Variants in TEAD3 observed in about 807,000 individuals in gnomAD.
TEAD3 encodes the protein TEA domain transcription factor 3, also known as transcriptional enhancer factor TEF-5.
Under a neutral mutation model 55.6 loss-of-function variants are expected in TEAD3, and 15 were observed. The observed-to-expected ratio is 0.27, with a 90% CI of 0.18 to 0.42. TEAD3 has a LOEUF of 0.42. Ranked by LOEUF, TEAD3 falls within the 10% of genes least tolerant of loss-of-function variation. The probability of loss-of-function intolerance (pLI) is 1.00; values close to 1 mark genes in which losing one functional copy is unlikely to be tolerated. For missense variants in TEAD3, 407 were observed against 576.8 expected (o/e 0.71, Z 3.01); for synonymous variants, 210 against 232.2 (o/e 0.90, Z 0.87).
At chr6:35,480,588 C>T (rs1244042193) in intron 3 of TEAD3, among the ~76,000 whole-genome samples, 1 of 152,202 alleles carries the variant, frequency 6.6e-6, no homozygotes, top group South Asian at 2.1e-4. Context: ...CACAGCCTCC[C>T]GAGTAGCTAT....
In TEAD3 at chr6:35,486,612, C is replaced by T. The variant is rs771793992; in HGVS notation, c.51G>A (p.Glu17=). 1.9e-6 allele frequency: 3 copies of T among 1,613,130 alleles called. No homozygotes were observed. Among genetic ancestry groups the T allele is most frequent in the African/African-American group, 1.3e-5 (1 of 74,944 alleles). ...CCTTGTCCAGGCCCTCGGGCCCATCCTCCCGGGCCTCCCCGGGGCTGCTGC... is the reference window on the plus strand; with the variant it reads ...CCTTGTCCAGGCCCTCGGGCCCATCTTCCCGGGCCTCCCCGGGGCTGCTGC... The change falls in exon 2 of 13, where the codon GAG becomes GAA. Residue 17 remains glutamate (E), a synonymous_variant. Coordinates refer to ENST00000639578, the Ensembl canonical transcript of TEAD3. This position sits in a 1 kb window ranked among gnomAD's most constrained non-coding sequence, Gnocchi z 7.3.
chr6:35,484,651 G>A lies in TEAD3; in HGVS notation c.203-27C>T, dbSNP rs1439183004. ...TAGATTGGGGTGAGAGAGAAAATGAGGAGTGGGCAAAGGGTGGAGCCAGAG... is the reference window on the plus strand; with the variant it reads ...TAGATTGGGGTGAGAGAGAAAATGAAGAGTGGGCAAAGGGTGGAGCCAGAG... On this transcript the variant is annotated intron_variant, in intron 2 of 12. Coordinates refer to ENST00000639578, the Ensembl canonical transcript of TEAD3. This position sits in a 1 kb window ranked among gnomAD's most constrained non-coding sequence, Gnocchi z 5.8. The A allele has an allele frequency of 1.3e-6, 2 of 1,571,194 alleles. No homozygotes were observed. Among genetic ancestry groups the A allele is most frequent in the Non-Finnish European group, 1.7e-6 (2 of 1,157,132 alleles).
At position 35,475,773 on chromosome 6, in the gene TEAD3, A is replaced by G; in HGVS notation, c.901-67T>C. 1 of 1,522,694 alleles carries G rather than the reference A, an allele frequency of 6.6e-7. No individual in the cohort carries two copies. The highest frequency in any genetic ancestry group is 8.8e-7 in the Non-Finnish European group (1 of 1,136,090). 94.3% of individuals were successfully genotyped at this position (1,522,694 alleles called of 1,614,324 possible). On this transcript the variant is annotated intron_variant, in intron 10 of 12. Coordinates refer to ENST00000639578, the Ensembl canonical transcript of TEAD3. This position sits in a 1 kb window ranked among gnomAD's most constrained non-coding sequence, Gnocchi z 5.4. ...AGAAGTATTCCCGCCACACCACATC[A>G]GAGTCCTGCCCAAGGATCCATCTCT... is the stretch of plus-strand genomic sequence containing the variant.
chr6:35,480,118 G>C, exon 4 of TEAD3: 1 of 1,545,218 alleles, frequency 6.5e-7, no homozygotes, highest in South Asian at 1.2e-5. Flanking sequence ...CAAGTGGCTA[G>C]AGACCTGTAG....
rs1768303052 is a variant in TEAD3 at position 35,483,490 on chromosome 6, G to T, written c.267+1070C>A. On this transcript the variant is annotated intron_variant, in intron 3 of 12. Coordinates refer to ENST00000639578, the Ensembl canonical transcript of TEAD3. This position sits in a 1 kb window ranked among gnomAD's most constrained non-coding sequence, Gnocchi z 4.5. ...CACTGCCACCTTCCCTGGATCAGAA[G>T]CCACTAACTGTCTCTTACATCATCA... Among the ~76,000 whole-genome samples the T allele has an allele frequency of 1.3e-5, 2 of 152,168 alleles. No homozygotes were observed. Among genetic ancestry groups the T allele is most frequent in the Non-Finnish European group, 2.9e-5 (2 of 68,014 alleles).
chr6:35,492,698 C>A (rs1189569535), intron 1 of TEAD3, among the ~76,000 whole-genome samples: 1 of 151,036 alleles, frequency 6.6e-6, no homozygotes, highest in African/African-American at 2.4e-5. Context: ...GGGGCTTTCT[C>A]AGGGAGCAGA....
rs776169270 is a variant in TEAD3, at chr6:35,477,295, C to T, written c.592+16G>A. On this transcript the variant is annotated intron_variant, in intron 8 of 12. Coordinates refer to ENST00000639578, the Ensembl canonical transcript of TEAD3. ...GTGCAGGTGCCAAGGGAGAGCACCT[C>T]GTGTGGGGAACTTACTGCTGAGCGT... 12 of 1,609,562 alleles carry T rather than the reference C, an allele frequency of 7.5e-6. No individual in the cohort carries two copies. The highest frequency in any genetic ancestry group is 3.3e-5 in the South Asian group (3 of 91,054).
rs1449972613 is a variant in TEAD3 at position 35,496,361 on chromosome 6, T to A, written c.-50+537A>T. Among the ~76,000 whole-genome samples, 1 of 151,842 alleles carries A rather than the reference T, an allele frequency of 6.6e-6. No homozygotes were observed. Among genetic ancestry groups the A allele is most frequent in the African/African-American group, 2.4e-5 (1 of 41,328 alleles). On this transcript the variant is annotated intron_variant, in intron 1 of 12. Coordinates refer to ENST00000639578, the Ensembl canonical transcript of TEAD3. The surrounding 1 kb of genome is among the most constrained non-coding windows in gnomAD (Gnocchi z 4.8). ...ACACGGCCGGGGCGCGCGGCTTTGGTCCCAGACACCCTCCACAACCCAGCG... is the reference window on the plus strand; with the variant it reads ...ACACGGCCGGGGCGCGCGGCTTTGGACCCAGACACCCTCCACAACCCAGCG...
intron 1 of TEAD3, among the ~76,000 whole-genome samples, chr6:35,495,317 C>T (rs1303444727): frequency 6.6e-6 from 1 of 152,206 alleles, no homozygotes; most frequent in Non-Finnish European, 1.5e-5. Flanking sequence ...CCATGTGATG[C>T]TTCTGTACAC....
exon 13 of TEAD3, chr6:35,474,945 A>T: frequency 2.9e-6 from 3 of 1,020,742 alleles, no homozygotes; most frequent in Admixed American, 2.9e-5. Context: ...GAGGCCTGGC[A>T]GGTAGATGAA....
chr6:35,483,886 C>T lies in TEAD3; in HGVS notation c.267+674G>A, dbSNP rs1768314456. On this transcript the variant is annotated intron_variant, in intron 3 of 12. Coordinates refer to ENST00000639578, the Ensembl canonical transcript of TEAD3. The surrounding 1 kb of genome is among the most constrained non-coding windows in gnomAD (Gnocchi z 4.5). Reference sequence around the variant, plus strand: ...ATCAGTTTCCTCATAGTAAAAAAGACAATTACTGTACCTATCTAGTAAGGT... The same window carrying T: ...ATCAGTTTCCTCATAGTAAAAAAGATAATTACTGTACCTATCTAGTAAGGT... Among the ~76,000 whole-genome samples the T allele has an allele frequency of 6.6e-6, 1 of 152,042 alleles. No individual in the cohort carries two copies. Among genetic ancestry groups the T allele is most frequent in the Non-Finnish European group, 1.5e-5 (1 of 68,026 alleles).
rs1384729900 is a variant in TEAD3, at chr6:35,484,634, G to T, written c.203-10C>A. The stretch of plus-strand genomic sequence containing the variant: ...ATCAACTCATTTCGGCCTAGATTGG[G>T]GTGAGAGAGAAAATGAGGAGTGGGC... On this transcript the variant is annotated splice_polypyrimidine_tract_variant and intron_variant, in intron 2 of 12. Coordinates refer to ENST00000639578, the Ensembl canonical transcript of TEAD3. The surrounding 1 kb of genome is among the most constrained non-coding windows in gnomAD (Gnocchi z 5.8). 3.1e-6 allele frequency: 5 copies of T among 1,588,454 alleles called. No individual in the cohort carries two copies. Among genetic ancestry groups the T allele is most frequent in the African/African-American group, 1.3e-5 (1 of 74,454 alleles).
chr6:35,495,905 CAGA>C (rs1768635119), intron 1 of TEAD3, among the ~76,000 whole-genome samples: 1 of 152,350 alleles, frequency 6.6e-6, no homozygotes, highest in South Asian at 2.1e-4. Context: ...AGGGAAGACA[CAGA>C]AGAAGACAGC....
At position 35,475,994 on chromosome 6, in the gene TEAD3, G is replaced by A. The variant is rs1339559719; in HGVS notation, c.825C>T (p.Phe275=). ...CCTTCAATCCTCCCTTTTTCTCGGG[G>A]AATTTGTCATAGATCTGGCGCACAT... Residue 275 remains phenylalanine (F), a synonymous_variant, in exon 10 of 13, where the codon TTC becomes TTT. Transcript: ENST00000639578. This position sits in a 1 kb window ranked among gnomAD's most constrained non-coding sequence, Gnocchi z 5.4. The A allele has an allele frequency of 2.6e-6, 4 of 1,565,448 alleles. No homozygotes were observed. Among genetic ancestry groups the A allele is most frequent in the Non-Finnish European group, 3.5e-6 (4 of 1,157,864 alleles).
At chr6:35,474,758 A>T, downstream of TEAD3, 1 of 380,502 alleles carries the variant, frequency 2.6e-6, no homozygotes, top group Non-Finnish European at 4.8e-6. Flanking sequence ...CCCTATCCCC[A>T]CCTCTCTGAG....
chr6:35,479,334 A>C lies in TEAD3; in HGVS notation c.331-18T>G. 1 of 1,613,922 alleles carries C rather than the reference A, an allele frequency of 6.2e-7. No homozygotes were observed. The highest frequency in any genetic ancestry group is 8.5e-7 in the Non-Finnish European group (1 of 1,179,852). On this transcript the variant is annotated intron_variant, in intron 4 of 12. Coordinates refer to ENST00000639578, the Ensembl canonical transcript of TEAD3. ...TTCATGGCCTGTGAGGGAGAGAAGG[A>C]AGATAGATTAGAGGACATGTGCAGC...
At chr6:35,480,164 G>A (rs1444247701) in intron 3 of TEAD3, 148 bp downstream of exon 4, 1 of 1,550,570 alleles carries the variant, frequency 6.4e-7, no homozygotes, top group Non-Finnish European at 8.7e-7. Flanking sequence ...AGAAAGAGCG[G>A]AAGGAGAGGC....
chr6:35,477,262 G>C, intron 8 of TEAD3, 49 bp downstream of exon 8: 1 of 1,596,794 alleles, frequency 6.3e-7, no homozygotes, highest in Non-Finnish European at 8.6e-7. Flanking sequence ...CAGCTCTCCT[G>C]AGTGGAGGTG....
rs747513198 is a variant in TEAD3 at position 35,475,374 on chromosome 6, T to C, written c.1156A>G (p.Met386Val). 10 of 1,614,114 alleles carry C rather than the reference T, an allele frequency of 6.2e-6. No homozygotes were observed. Among genetic ancestry groups the C allele is most frequent in the Non-Finnish European group, 6.8e-6 (8 of 1,180,000 alleles). Reference sequence around the variant, plus strand: ...AAGTTCTCCAGCACGCTGTTCATCATGTACTTCTCGGGCAGGTGCTTCAGC... The same window carrying C: ...AAGTTCTCCAGCACGCTGTTCATCACGTACTTCTCGGGCAGGTGCTTCAGC... Residue 386 changes from methionine to valine, a missense_variant, in exon 12 of 13, where the codon ATG (methionine) becomes GTG (valine). By Grantham distance (21) the Met-to-Val change is conservative (BLOSUM62 1). Coordinates refer to ENST00000639578, the Ensembl canonical transcript of TEAD3. This position sits in a 1 kb window ranked among gnomAD's most constrained non-coding sequence, Gnocchi z 5.4.
Sources: gnomAD v4.1 joint callset for allele counts (sites outside exome capture counted in the v4.1 genomes callset) on GRCh38, gnomAD v4.1.1 for gene constraint, Gnocchi (gnomAD v3.1) non-coding constraint, MANE v1.5 for transcripts, NCBI Gene and HGNC (gene_info 2026-07-23, HGNC 2026-07-21) for gene names.